AURKA: variants seen among roughly 807,000 people sequenced by gnomAD.
The protein encoded by AURKA is aurora kinase A, also known as aurora 2.
Under a neutral mutation model 40.9 loss-of-function variants are expected in AURKA, and 12 were observed. The observed-to-expected ratio is 0.29, with a 90% CI of 0.19 to 0.48. The LOEUF (loss-of-function observed/expected upper bound fraction) is 0.48. Among genes scored for constraint, AURKA ranks in the 20% least tolerant of loss-of-function variants. The pLI, the probability that AURKA is intolerant of heterozygous loss-of-function variation, is 0.99. For missense variants in AURKA, 322 were observed against 462.1 expected (o/e 0.70, Z 2.78); for synonymous variants, 170 against 164.3 (o/e 1.03, Z -0.26).
chr20:56,386,409 C>T lies in AURKA; in HGVS notation c.167G>A (p.Arg56His), dbSNP rs749883403. 12 of 1,613,972 alleles carry T rather than the reference C, an allele frequency of 7.4e-6. No individual in the cohort carries two copies. Among genetic ancestry groups the T allele is most frequent in the Admixed American group, 5.0e-5 (3 of 59,970 alleles). Reference sequence around the variant, plus strand: ...AAGCTTTTGTGCTTGCAAAGGAATGCGCTGGGAAGAATTTGAAGGACACAA... The same window carrying T: ...AAGCTTTTGTGCTTGCAAAGGAATGTGCTGGGAAGAATTTGAAGGACACAA... ...RVLCPSNSSQ[R>H]IPLQAQKLVS... Residue 56 changes from arginine (R) to histidine (H), a missense_variant, in exon 3 of 9, where the codon CGC becomes CAC. Coordinates refer to ENST00000395915, the MANE Select transcript of AURKA (RefSeq NM_198437.3).
At position 56,370,490 on chromosome 20, in the gene AURKA, A is replaced by T; in HGVS notation, c.1024T>A (p.Ser342Thr). ...CCTTTTCAGTTGCGTCTTACCCGTG[A>T]TATTCTTTTGTAGGTCTCTTGGTAT... Reference protein sequence around the residue: ...NTYQETYKRISRVEFTFPDFV... With the variant: ...NTYQETYKRITRVEFTFPDFV... Residue 342 changes from serine to threonine, a missense_variant, in exon 8 of 9, where the codon TCA becomes ACA. Ser to Thr is a moderately conservative substitution (Grantham distance 58). Coordinates refer to ENST00000395915, the MANE Select transcript of AURKA (RefSeq NM_198437.3). 2 of 1,614,216 alleles carry T rather than the reference A, an allele frequency of 1.2e-6. No homozygotes were observed. Among genetic ancestry groups the T allele is most frequent in the Non-Finnish European group, 8.5e-7 (1 of 1,180,046 alleles).
At position 56,370,184 on chromosome 20, in the gene AURKA, T is replaced by C. The variant is rs1983928003; in HGVS notation, c.1186A>G (p.Lys396Glu). Reference protein sequence around the residue: ...NSSKPSNCQNKESASKQS With the variant: ...NSSKPSNCQNEESASKQS Reference sequence around the variant, plus strand: ...TAAGACTGTTTGCTAGCTGATTCTTTGTTTTGGCAATTTGATGGTTTTGAT... The same window carrying C: ...TAAGACTGTTTGCTAGCTGATTCTTCGTTTTGGCAATTTGATGGTTTTGAT... The change falls in exon 9 of 9, where the codon AAA (lysine) becomes GAA (glutamate). Residue 396 changes from lysine (K) to glutamate (E), a missense_variant. By Grantham distance (56) the Lys-to-Glu change is moderately conservative. Transcript: ENST00000395915. 1 of 1,612,986 alleles carries C rather than the reference T, an allele frequency of 6.2e-7. No homozygotes were observed. Among genetic ancestry groups the C allele is most frequent in the African/African-American group, 1.3e-5 (1 of 74,904 alleles).
Position 56,386,303 on chromosome 20 carries a change from T to C in AURKA, c.273A>G (p.Pro91=), listed in dbSNP as rs1307320574. The C allele has an allele frequency of 6.2e-7, 1 of 1,614,240 alleles. No homozygotes were observed. Among genetic ancestry groups the C allele is most frequent in the Admixed American group, 1.7e-5 (1 of 60,018 alleles). ...GCTTGCTCTTTTGGGTGTTATTCAG[T>C]GGCCTGGAGACAGGATGAGGTACAC... ...ATSVPHPVSR[P]LNNTQKSKQP... The change falls in exon 3 of 9, where the codon CCA becomes CCG. Residue 91 remains proline (P), a synonymous_variant. Coordinates refer to ENST00000395915, the MANE Select transcript of AURKA (RefSeq NM_198437.3).
At position 56,370,524 on chromosome 20, in the gene AURKA, C is replaced by T. The variant is rs750222400; in HGVS notation, c.990G>A (p.Glu330=). The change falls in exon 8 of 9, where the codon GAG becomes GAA. Residue 330 remains glutamate, a synonymous_variant. Coordinates refer to ENST00000395915, the MANE Select transcript of AURKA (RefSeq NM_198437.3). ...TGTAGGTCTCTTGGTATGTGTTTGC[C>T]TCAAAAGGAGGCTTCCCAACTAAAA... ...YEFLVGKPPF[E]ANTYQETYKR... 3 of 1,614,126 alleles carry T rather than the reference C, an allele frequency of 1.9e-6. No individual in the cohort carries two copies. The highest frequency in any genetic ancestry group is 2.2e-5 in the South Asian group (2 of 91,084).
chr20:56,371,323 G>T (rs1232765743), intron 7 of AURKA, among the ~76,000 whole-genome samples: 1 of 151,944 alleles, frequency 6.6e-6, no homozygotes, highest in Non-Finnish European at 1.5e-5. Context: ...TTAGCCGGGT[G>T]TGGTGGTGTG....
At chr20:56,381,363 A>T in intron 6 of AURKA, 70 bp downstream of exon 6, 1 of 1,583,308 alleles carries the variant, frequency 6.3e-7, no homozygotes, top group Admixed American at 1.7e-5. Context: ...TACTATGATG[A>T]AAGGTACATT....
intron 6 of AURKA, among the ~76,000 whole-genome samples, chr20:56,378,960 A>G (rs1310217763): frequency 6.6e-6 from 1 of 152,184 alleles, no homozygotes; most frequent in African/African-American, 2.4e-5. Flanking sequence ...ATAATGGTGG[A>G]TACATGGCAT....
chr20:56,388,952 T>TC (rs1404692780), intron 1 of AURKA, among the ~76,000 whole-genome samples: 3 of 152,138 alleles, frequency 2.0e-5, no homozygotes, highest in Non-Finnish European at 2.9e-5. Context: ...CCTGAGCCCA[T>TC]CCCCACCTGG....
chr20:56,386,275 G>T lies in AURKA; in HGVS notation c.301C>A (p.Pro101Thr). The T allele has an allele frequency of 6.2e-7, 1 of 1,614,252 alleles. No individual in the cohort carries two copies. The highest frequency in any genetic ancestry group is 1.3e-5 in the African/African-American group (1 of 75,062). Residue 101 changes from proline (P) to threonine (T), a missense_variant, in exon 3 of 9, where the codon CCC (proline) becomes ACC (threonine). Transcript: ENST00000395915. ...AGTTTACCAGGTGCCGATGGCAGGG[G>T]CTGCTTGCTCTTTTGGGTGTTATTC... Reference protein sequence around the residue: ...PLNNTQKSKQPLPSAPENNPE... With the variant: ...PLNNTQKSKQTLPSAPENNPE...
At position 56,373,589 on chromosome 20, in the gene AURKA, G is replaced by T; in HGVS notation, c.706-33C>A. 2 of 1,603,392 alleles carry T rather than the reference G, an allele frequency of 1.2e-6. No homozygotes were observed. Among genetic ancestry groups the T allele is most frequent in the Non-Finnish European group, 1.7e-6 (2 of 1,170,410 alleles). On this transcript the variant is annotated intron_variant, in intron 6 of 8. Transcript: ENST00000395915. This position sits in a 1 kb window ranked among gnomAD's most constrained non-coding sequence, Gnocchi z 5.0. ...AACAATATTGAAAGCCTATGTTTTA[G>T]ATTTTATATAACACAAGTTAATATT...
intron 2 of AURKA, among the ~76,000 whole-genome samples, chr20:56,387,642 G>A (rs552833006): frequency 5.3e-5 from 8 of 152,252 alleles, no homozygotes; most frequent in Non-Finnish European, 1.0e-4. Context: ...CCAGCTCAAC[G>A]GTATGAGTGC....
At position 56,370,277 on chromosome 20, in the gene AURKA, T is replaced by C. The variant is rs1346546758; in HGVS notation, c.1093A>G (p.Lys365Glu). The change falls in exon 9 of 9, where the codon AAG (lysine) becomes GAG (glutamate). Residue 365 changes from lysine to glutamate, a missense_variant. Lys to Glu is a moderately conservative substitution (Grantham distance 56). Transcript: ENST00000395915. ...ATTGGCCTCTGGCTGGGATTATGCT[T>C]CAACAGTCTTGAAATGAGGTCCCTG... ...GARDLISRLL[K>E]HNPSQRPMLR... 2 of 1,614,186 alleles carry C rather than the reference T, an allele frequency of 1.2e-6. No homozygotes were observed. The highest frequency in any genetic ancestry group is 1.7e-6 in the Non-Finnish European group (2 of 1,180,036).
At chr20:56,381,990 C>T (rs1335327787) in intron 5 of AURKA, among the ~76,000 whole-genome samples, 1 of 152,056 alleles carries the variant, frequency 6.6e-6, no homozygotes, top group Non-Finnish European at 1.5e-5. Context: ...ATGGTGAAAC[C>T]TCGTCTCTAC....
rs548966338 is a variant in AURKA, at chr20:56,389,390, C to A, written c.-5-1188G>T. Among the ~76,000 whole-genome samples, 3 of 152,246 alleles carry A rather than the reference C, an allele frequency of 2.0e-5. No homozygotes were observed. In the South Asian group the frequency reaches 6.2e-4, roughly 32 times the overall value. ...ATCTCCCAAAAATGTCTGCCAGGCA[C>A]CTCAATCCTAACATATCCAAAACTG... On this transcript the variant is annotated intron_variant, in intron 1 of 8. Coordinates refer to ENST00000395915, the MANE Select transcript of AURKA (RefSeq NM_198437.3).
chr20:56,380,308 T>C (rs1354832920), intron 6 of AURKA, among the ~76,000 whole-genome samples: 2 of 142,186 alleles, frequency 1.4e-5, no homozygotes, highest in African/African-American at 5.3e-5. Context: ...TGAGCCAAGA[T>C]AGCGCCACTG....
chr20:56,390,920 A>T (rs907654312), intron 1 of AURKA, among the ~76,000 whole-genome samples: 2 of 152,178 alleles, frequency 1.3e-5, no homozygotes, highest in African/African-American at 4.8e-5. Flanking sequence ...CATTTATTCA[A>T]CATTCTTCTG....
chr20:56,385,463 T>A (rs916254531), intron 3 of AURKA, among the ~76,000 whole-genome samples: 4 of 77,780 alleles, frequency 5.1e-5, no homozygotes, highest in Non-Finnish European at 1.0e-4. Context: ...CCACAGTAAA[T>A]TTTTTTTTTT....
intron 1 of AURKA, chr20:56,388,408 T>A (rs1986646271): frequency 3.3e-6 from 2 of 605,800 alleles, no homozygotes; most frequent in Non-Finnish European, 5.9e-6. Flanking sequence ...CTGCGTCCCA[T>A]CCTCTGTCAC....
At chr20:56,370,828 G>A (rs1295180540) in intron 7 of AURKA, among the ~76,000 whole-genome samples, 169 bp from the exon 8 acceptor site, 1 of 152,164 alleles carries the variant, frequency 6.6e-6, no homozygotes, top group Non-Finnish European at 1.5e-5. Context: ...ATGAAGCGAG[G>A]TGTGTAAGGT....
Sources: allele counts gnomAD v4.1 joint callset (sites outside exome capture counted in the v4.1 genomes callset), GRCh38; gene constraint gnomAD v4.1.1; non-coding constraint Gnocchi (gnomAD v3.1); transcripts MANE v1.5; gene names NCBI Gene and HGNC (gene_info 2026-07-23, HGNC 2026-07-21).